PKN2: variants seen among roughly 807,000 people sequenced by gnomAD.
The protein encoded by PKN2 is serine/threonine-protein kinase N2.
Under a neutral mutation model 119.1 loss-of-function variants are expected in PKN2, and 38 were observed. The ratio of observed to expected loss-of-function variants is 0.32; its 90% CI spans 0.25 to 0.42. The LOEUF (loss-of-function observed/expected upper bound fraction) is 0.42. PKN2 is among the 10% of genes least tolerant of loss of function. The pLI is 1.00. For synonymous variants in PKN2, 390 were observed against 384.9 expected (o/e 1.01, Z -0.15); for missense variants, 850 against 1,165.1 (o/e 0.73, Z 3.94).
intron 16 of PKN2, chr1:88,815,407 T>G: frequency 2.8e-6 from 1 of 351,964 alleles, no homozygotes; most frequent in East Asian, 1.1e-4. Flanking sequence ...CACTAACCAA[T>G]TCAGTTCACT....
chr1:88,779,313 G>C (rs974477666), intron 6 of PKN2, among the ~76,000 whole-genome samples: 3 of 150,818 alleles, frequency 2.0e-5, no homozygotes, highest in Admixed American at 2.0e-4. Context: ...GTTTTCCAGA[G>C]TTCTGATAAA....
Position 88,789,520 on chromosome 1 carries a change from G to A in PKN2, c.1281+3307G>A, listed in dbSNP as rs147168866. ...TCTATTAAAAATACAAAAATTAGCTGGGTGCAGTGGCAGACGCCTGTAATC... is the reference window on the plus strand; with the variant it reads ...TCTATTAAAAATACAAAAATTAGCTAGGTGCAGTGGCAGACGCCTGTAATC... On this transcript the variant is annotated intron_variant, in intron 8 of 21. Transcript: ENST00000370521. Among the ~76,000 whole-genome samples, 1,509 of 152,054 alleles carry A rather than the reference G, an allele frequency of 9.9e-3. 21 individuals are homozygous for A. Among genetic ancestry groups the A allele is most frequent in the African/African-American group, 0.034 (1,424 of 41,480 alleles).
chr1:88,814,451 C>T (rs577573848), intron 16 of PKN2, among the ~76,000 whole-genome samples: 17 of 152,266 alleles, frequency 1.1e-4, no homozygotes, highest in South Asian at 1.0e-3. Flanking sequence ...TTAATACCTA[C>T]ACCCTGCATG....
chr1:88,808,945 T>C (rs1455770312), intron 15 of PKN2, among the ~76,000 whole-genome samples: 1 of 152,220 alleles, frequency 6.6e-6, no homozygotes. Flanking sequence ...AACTCATATA[T>C]TTAAAAATAT....
At chr1:88,742,462 A>T (rs945692010) in intron 2 of PKN2, among the ~76,000 whole-genome samples, 1 of 152,150 alleles carries the variant, frequency 6.6e-6, no homozygotes, top group Admixed American at 6.5e-5. Context: ...AATAATCGAA[A>T]CTTTAAAATG....
chr1:88,731,799 C>T (rs1416775878), intron 1 of PKN2, among the ~76,000 whole-genome samples: 2 of 152,156 alleles, frequency 1.3e-5, no homozygotes, highest in South Asian at 4.1e-4. Flanking sequence ...TCCTGTCTCT[C>T]CCTAAATGAA....
intron 1 of PKN2, among the ~76,000 whole-genome samples, chr1:88,690,133 C>T (rs1409315610): frequency 6.6e-6 from 1 of 152,142 alleles, no homozygotes; most frequent in South Asian, 2.1e-4. Context: ...CAATTCCTAC[C>T]ATTCACATAG....
intron 1 of PKN2, among the ~76,000 whole-genome samples, chr1:88,705,311 T>C (rs1666932796): frequency 6.6e-6 from 1 of 152,152 alleles, no homozygotes; most frequent in African/African-American, 2.4e-5. Context: ...TATGATCCAT[T>C]GTGAGGTAAT....
chr1:88,714,362 T>G (rs934404960), intron 1 of PKN2, among the ~76,000 whole-genome samples: 3 of 152,308 alleles, frequency 2.0e-5, no homozygotes, highest in African/African-American at 7.2e-5. Context: ...AATCTATAAA[T>G]TACCATGGGC....
chr1:88,738,322 T>C (rs1235811932), intron 1 of PKN2, among the ~76,000 whole-genome samples: 3 of 152,238 alleles, frequency 2.0e-5, no homozygotes, highest in Non-Finnish European at 4.4e-5. Flanking sequence ...GGCATTCAAC[T>C]AAATTCTAAA....
At chr1:88,828,728 T>TC in intron 19 of PKN2, 105 bp downstream of exon 19, 1 of 880,238 alleles carries the variant, frequency 1.1e-6, no homozygotes. Context: ...GAGTGGAATT[T>TC]AAGTTTTATA....
At chr1:88,788,107 T>C (rs183690738) in intron 8 of PKN2, among the ~76,000 whole-genome samples, 4 of 152,340 alleles carry the variant, frequency 2.6e-5, no homozygotes, top group Non-Finnish European at 5.9e-5. Flanking sequence ...TTGTCTTCTA[T>C]GGCATTCGGG....
intron 6 of PKN2, among the ~76,000 whole-genome samples, chr1:88,776,095 G>C (rs1446074010): frequency 6.8e-6 from 1 of 146,148 alleles, no homozygotes; most frequent in African/African-American, 2.6e-5. Flanking sequence ...GTGACAGAGC[G>C]AGACTCCGTC....
intron 1 of PKN2, among the ~76,000 whole-genome samples, chr1:88,730,028 G>A (rs533718737): frequency 6.6e-6 from 1 of 152,180 alleles, no homozygotes; most frequent in South Asian, 2.1e-4. Context: ...AGCCGGGTGT[G>A]GTGGTGGGCG....
chr1:88,708,332 T>C (rs1230889704), intron 1 of PKN2, among the ~76,000 whole-genome samples: 2 of 152,210 alleles, frequency 1.3e-5, no homozygotes, highest in Non-Finnish European at 2.9e-5. Context: ...ATAAGTCATT[T>C]TATAAACTTT....
In PKN2 at chr1:88,834,768, CTT is replaced by C. The variant is rs1672876531; in HGVS notation, c.*1324_*1325del. Reference sequence around the variant, plus strand: ...GCTTTTTATACTCTTTTAGGGTTGTCTTTTTACAAACCATGACTTTCCACTTG... The same window carrying C: ...GCTTTTTATACTCTTTTAGGGTTGTCTTTACAAACCATGACTTTCCACTTG... On this transcript the variant is annotated 3_prime_UTR_variant, in exon 22 of 22. Coordinates refer to ENST00000370521, the MANE Select transcript of PKN2 (RefSeq NM_006256.4). The C allele has an allele frequency of 6.6e-6, 1 of 152,326 alleles. No homozygotes were observed. Among genetic ancestry groups the C allele is most frequent in the Admixed American group, 6.6e-5 (1 of 15,254 alleles). The allele number at this position is 152,326 out of a possible 1,614,324, so 9.4% of individuals were successfully genotyped here.
chr1:88,781,805 C>T (rs1272972919), intron 6 of PKN2, among the ~76,000 whole-genome samples: 2 of 152,098 alleles, frequency 1.3e-5, no homozygotes, highest in South Asian at 2.1e-4. Flanking sequence ...TGAGCATTTA[C>T]AGTGGAAGTT....
At chr1:88,744,011 A>G (rs1228567521) in intron 2 of PKN2, among the ~76,000 whole-genome samples, 2 of 152,160 alleles carry the variant, frequency 1.3e-5, no homozygotes, top group African/African-American at 4.8e-5. Flanking sequence ...TATTAAAAAA[A>G]TTCTGTTTGC....
chr1:88,787,203 T>A (rs61421449), intron 8 of PKN2, among the ~76,000 whole-genome samples: 10,151 of 151,998 alleles, frequency 0.067, 693 homozygotes, highest in African/African-American at 0.18. Flanking sequence ...ATTTGAATAT[T>A]ATGAAAGGGG....
Sources: allele counts gnomAD v4.1 joint callset (sites outside exome capture counted in the v4.1 genomes callset), GRCh38; gene constraint gnomAD v4.1.1; transcripts MANE v1.5; gene names NCBI Gene and HGNC (gene_info 2026-07-23, HGNC 2026-07-21).